Variants in KCNH7 observed in about 807,000 individuals in gnomAD.
KCNH7 encodes potassium voltage-gated channel subfamily H member 7.
KCNH7 carries 49 observed loss-of-function variants against 120.8 expected under a neutral mutation model. That is an observed-to-expected ratio of 0.41 (90% confidence interval 0.32 to 0.51). KCNH7 has a LOEUF of 0.51. Ranked by LOEUF, KCNH7 falls within the 20% of genes least tolerant of loss-of-function variation. The pLI is 0.38. For missense variants in KCNH7, 1,097 were observed against 1,446.6 expected, an observed-to-expected ratio of 0.76 and a Z score of 3.92; for synonymous variants, 547 against 516.1, an observed-to-expected ratio of 1.06 and a Z score of -0.81.
chr2:162,451,541 A>G (rs931817573), intron 6 of KCNH7, among the ~76,000 whole-genome samples: 1 of 151,992 alleles, frequency 6.6e-6, no homozygotes, highest in African/African-American at 2.4e-5. Flanking sequence ...TCTCCACAGA[A>G]TGTCAACTGG....
At chr2:162,577,090 A>T (rs28756306) in intron 2 of KCNH7, among the ~76,000 whole-genome samples, 91 of 151,328 alleles carry the variant, frequency 6.0e-4, no homozygotes, top group Admixed American at 2.2e-3. Flanking sequence ...TAATTAAAAA[A>T]TTTTTTTTTT....
intron 12 of KCNH7, among the ~76,000 whole-genome samples, chr2:162,392,715 G>A (rs543637105): frequency 6.6e-6 from 1 of 152,064 alleles, no homozygotes; most frequent in South Asian, 2.1e-4. Context: ...TGGAGTAAAT[G>A]TTGCTGAAGA....
rs1685945232 is a variant in KCNH7 at position 162,371,504 on chromosome 2, G to A, written c.*325C>T. ...AAGGCATTTTCATAACGAAGTACTG[G>A]TTTAGTAAAAGCAGTAAATAGGAGT... On this transcript the variant is annotated 3_prime_UTR_variant, in exon 16 of 16. Transcript: ENST00000332142. The A allele has an allele frequency of 8.2e-7, 1 of 1,226,134 alleles. No homozygotes were observed. Among genetic ancestry groups the A allele is most frequent in the Non-Finnish European group, 1.0e-6 (1 of 955,884 alleles). The allele number at this position is 1,226,134 out of a possible 1,614,324, so 76.0% of individuals were successfully genotyped here. A position where few individuals can be genotyped will look rare whatever the true frequency, so the allele number is the denominator to read the frequency against.
chr2:162,594,551 C>T (rs1189281095), intron 2 of KCNH7, among the ~76,000 whole-genome samples: 2 of 150,906 alleles, frequency 1.3e-5, no homozygotes, highest in Admixed American at 1.3e-4. Context: ...AAAGATATAA[C>T]AGTCATAAAA....
intron 2 of KCNH7, among the ~76,000 whole-genome samples, chr2:162,665,926 G>A (rs1165021662): frequency 6.6e-6 from 1 of 152,138 alleles, no homozygotes; most frequent in East Asian, 1.9e-4. Flanking sequence ...GATAAGGTAT[G>A]TGAAAACTAG....
At chr2:162,518,264 T>G in intron 3 of KCNH7, 106 bp from the exon 4 acceptor site, 1 of 823,394 alleles carries the variant, frequency 1.2e-6, no homozygotes, top group Non-Finnish European at 1.9e-6. Flanking sequence ...AAAATAATTT[T>G]GAATCAATGG....
intron 2 of KCNH7, among the ~76,000 whole-genome samples, chr2:162,706,172 T>A (rs2105350390): frequency 1.3e-5 from 2 of 152,232 alleles, no homozygotes; most frequent in South Asian, 4.1e-4. Context: ...AGTTTGGATG[T>A]CTTAGCCAAC....
Position 162,713,873 on chromosome 2 carries a change from C to T in KCNH7, c.307+122664G>A, listed in dbSNP as rs1433145892. Among the ~76,000 whole-genome samples the T allele has an allele frequency of 3.9e-5, 6 of 152,074 alleles. No individual in the cohort carries two copies. The South Asian group carries it at 8.3e-4, about 21-fold the overall frequency. ...AAGTGATTCTCCTGCCTCAGCCTCC[C>T]GGGTAGCTGGGATTACAGGCGCCTG... On this transcript the variant is annotated intron_variant, in intron 2 of 15. Transcript: ENST00000332142.
chr2:162,660,834 A>T (rs2105277541), intron 2 of KCNH7, among the ~76,000 whole-genome samples: 1 of 152,322 alleles, frequency 6.6e-6, no homozygotes, highest in Admixed American at 6.5e-5. Context: ...ACACCATGAG[A>T]AGTTAAACTA....
At position 162,662,250 on chromosome 2, in the gene KCNH7, G is replaced by A. The variant is rs183296567; in HGVS notation, c.308-125170C>T. ...TGTACTCCAGCCTGGGTGACAGGGCGAGACTCTGTCTCAAAAAAAGGAAAA... is the reference window on the plus strand; with the variant it reads ...TGTACTCCAGCCTGGGTGACAGGGCAAGACTCTGTCTCAAAAAAAGGAAAA... On this transcript the variant is annotated intron_variant, in intron 2 of 15. Coordinates refer to ENST00000332142, the MANE Select transcript of KCNH7 (RefSeq NM_033272.4). Among the ~76,000 whole-genome samples, 77 of 152,186 alleles carry A rather than the reference G, an allele frequency of 5.1e-4. 1 individual carries two copies. The highest frequency in any genetic ancestry group is 5.8e-4 in the East Asian group (3 of 5,164).
chr2:162,790,177 A>C (rs967247583), intron 2 of KCNH7, among the ~76,000 whole-genome samples: 1 of 151,972 alleles, frequency 6.6e-6, no homozygotes, highest in Non-Finnish European at 1.5e-5. Flanking sequence ...CAGGAATATA[A>C]AGAATTACAG....
chr2:162,509,113 A>G (rs1387798663), intron 5 of KCNH7, among the ~76,000 whole-genome samples: 1 of 151,554 alleles, frequency 6.6e-6, no homozygotes, highest in African/African-American at 2.4e-5. Context: ...AAGTAGGCCA[A>G]TTTCCAACTA....
At chr2:162,566,747 A>G (rs1366681206) in intron 2 of KCNH7, among the ~76,000 whole-genome samples, 1 of 152,066 alleles carries the variant, frequency 6.6e-6, no homozygotes, top group Non-Finnish European at 1.5e-5. Flanking sequence ...AGCAAAGGTT[A>G]TGGTCAGGTA....
At chr2:162,685,268 A>C (rs1297281052) in intron 2 of KCNH7, among the ~76,000 whole-genome samples, 1 of 152,068 alleles carries the variant, frequency 6.6e-6, no homozygotes, top group Non-Finnish European at 1.5e-5. Context: ...TGGGTGCAGC[A>C]AACCACCATG....
intron 2 of KCNH7, among the ~76,000 whole-genome samples, chr2:162,593,739 T>C (rs1694288704): frequency 6.6e-6 from 1 of 152,066 alleles, no homozygotes; most frequent in Non-Finnish European, 1.5e-5. Flanking sequence ...GCAAAACTCA[T>C]TTCTAAATGA....
At chr2:162,811,226 A>G (rs1240445043) in intron 2 of KCNH7, among the ~76,000 whole-genome samples, 1 of 152,162 alleles carries the variant, frequency 6.6e-6, no homozygotes, top group Non-Finnish European at 1.5e-5. Flanking sequence ...ATTTTATTTA[A>G]ACATAAATTT....
At chr2:162,552,859 T>G (rs149762227) in intron 2 of KCNH7, among the ~76,000 whole-genome samples, 7 of 152,104 alleles carry the variant, frequency 4.6e-5, no homozygotes, top group African/African-American at 1.4e-4. Flanking sequence ...AACCAGTGAG[T>G]TTGGAAGAGG....
chr2:162,665,807 A>T (rs1275352680), intron 2 of KCNH7, among the ~76,000 whole-genome samples: 1 of 152,118 alleles, frequency 6.6e-6, no homozygotes, highest in Non-Finnish European at 1.5e-5. Flanking sequence ...TAAACTATGC[A>T]GGGAGTCATC....
intron 2 of KCNH7, among the ~76,000 whole-genome samples, chr2:162,578,664 A>G (rs765471557): frequency 6.6e-6 from 1 of 152,068 alleles, no homozygotes; most frequent in Non-Finnish European, 1.5e-5. Context: ...GGCTAACTGG[A>G]AGGTGGCACT....
Sources: allele counts gnomAD v4.1 joint callset (sites outside exome capture counted in the v4.1 genomes callset), GRCh38; gene constraint gnomAD v4.1.1; transcripts MANE v1.5; gene names NCBI Gene and HGNC (gene_info 2026-07-23, HGNC 2026-07-21).